GBF1: variants seen among roughly 807,000 people sequenced by gnomAD.
GBF1 encodes the protein Golgi-specific brefeldin A-resistance guanine nucleotide exchange factor 1.
Under a neutral mutation model 210.5 loss-of-function variants are expected in GBF1, and 114 were observed. The ratio of observed to expected loss-of-function variants is 0.54; its 90% confidence interval spans 0.47 to 0.63. GBF1 has a LOEUF of 0.63. GBF1 is among the 30% of genes least tolerant of loss of function. GBF1 has a pLI of 0.00. For synonymous variants in GBF1, 850 were observed against 889.2 expected, an observed-to-expected ratio of 0.96 and a Z score of 0.78; for missense variants, 1,851 against 2,357.7, an observed-to-expected ratio of 0.79 and a Z score of 4.45.
chr10:102,315,427 A>G (rs2078841878), intron 3 of GBF1, among the ~76,000 whole-genome samples: 2 of 152,222 alleles, frequency 1.3e-5, no homozygotes, highest in Non-Finnish European at 2.9e-5. Flanking sequence ...CCTTATGAGA[A>G]TGTAACTAAC....
At chr10:102,314,129 C>T (rs1589602155) in intron 3 of GBF1, among the ~76,000 whole-genome samples, 1 of 147,424 alleles carries the variant, frequency 6.8e-6, no homozygotes, top group East Asian at 2.0e-4. Context: ...AGAAGAAATC[C>T]TTTAAACATA....
intron 7 of GBF1, 141 bp from the exon 8 acceptor site, chr10:102,353,459 A>G: frequency 2.8e-6 from 2 of 710,042 alleles, no homozygotes; most frequent in Admixed American, 4.7e-5. Flanking sequence ...GAAAAGGATG[A>G]AATTAGTCTG....
the GBF1 span, chr10:102,232,011 G>C: frequency 6.2e-7 from 1 of 1,609,900 alleles, no homozygotes; most frequent in Non-Finnish European, 8.5e-7. Flanking sequence ...TGGGGGTGCG[G>C]AGTGCCAGCG....
intron 1 of GBF1, among the ~76,000 whole-genome samples, chr10:102,249,722 T>A (rs1565009065): frequency 6.6e-6 from 1 of 151,602 alleles, no homozygotes; most frequent in African/African-American, 2.4e-5. Flanking sequence ...GATGGAGTCT[T>A]GCTCTGTTGC....
intron 3 of GBF1, among the ~76,000 whole-genome samples, chr10:102,313,334 G>C (rs1473504738): frequency 6.6e-6 from 1 of 152,052 alleles, no homozygotes; most frequent in Non-Finnish European, 1.5e-5. Context: ...ACGAGGTGTG[G>C]GCCCTTACGT....
At chr10:102,271,410 T>C (rs1411248922) in intron 3 of GBF1, among the ~76,000 whole-genome samples, 1 of 152,112 alleles carries the variant, frequency 6.6e-6, no homozygotes, top group Non-Finnish European at 1.5e-5. Context: ...TCTCAAGCTC[T>C]TGGCCTCAAG....
chr10:102,252,496 T>C (rs1051709051), intron 1 of GBF1, among the ~76,000 whole-genome samples: 4 of 152,020 alleles, frequency 2.6e-5, no homozygotes, highest in African/African-American at 9.7e-5. Flanking sequence ...ACATTCAGAA[T>C]AGAAAGGGAG....
chr10:102,370,597 A>G (rs2060153156), intron 28 of GBF1, 110 bp from the exon 29 acceptor site: 1 of 1,314,884 alleles, frequency 7.6e-7, no homozygotes, highest in Non-Finnish European at 1.1e-6. Context: ...CTTACTCATC[A>G]TACCTGTCTA....
chr10:102,354,417 G>T (rs556217698), intron 8 of GBF1, among the ~76,000 whole-genome samples: 1 of 152,292 alleles, frequency 6.6e-6, no homozygotes, highest in South Asian at 2.1e-4. Flanking sequence ...GTGGGGAGCA[G>T]ACCAAAGCCC....
intron 3 of GBF1, among the ~76,000 whole-genome samples, chr10:102,290,053 A>T (rs1349455845): frequency 6.6e-6 from 1 of 152,096 alleles, no homozygotes; most frequent in African/African-American, 2.4e-5. Context: ...CAAGACTTCA[A>T]GTGAGCCATA....
At chr10:102,334,778 G>A (rs1475275508) in intron 3 of GBF1, among the ~76,000 whole-genome samples, 1 of 152,034 alleles carries the variant, frequency 6.6e-6, no homozygotes, top group Non-Finnish European at 1.5e-5. Flanking sequence ...GAACCGGAGA[G>A]GCGGAGGTTA....
intron 3 of GBF1, among the ~76,000 whole-genome samples, chr10:102,277,751 A>G (rs926709242): frequency 3.3e-5 from 5 of 152,212 alleles, no homozygotes; most frequent in Non-Finnish European, 7.3e-5. Flanking sequence ...TACTAATTTA[A>G]GTATAGTTAT....
chr10:102,301,710 G>T (rs527419559), intron 3 of GBF1, among the ~76,000 whole-genome samples: 2 of 151,906 alleles, frequency 1.3e-5, no homozygotes, highest in Admixed American at 6.6e-5. Flanking sequence ...GACGATGGGC[G>T]GCTGGGCAGA....
At chr10:102,372,242 C>G (rs1589815758) in intron 29 of GBF1, among the ~76,000 whole-genome samples, 1 of 150,452 alleles carries the variant, frequency 6.6e-6, no homozygotes, top group East Asian at 2.0e-4. Flanking sequence ...CTCGGCTGGA[C>G]ACAGTGGCTC....
In GBF1 at chr10:102,361,875, C is replaced by G; in HGVS notation, c.1649C>G (p.Ser550Cys). ...AACTATGATTGTGACTACTACTGTT[C>G]CAACCTCTTTGAGGAACTCACAAAG... ...YINYDCDYYC[S>C]NLFEELTKLL... Residue 550 changes from serine to cysteine, a missense_variant, in exon 14 of 40, where the codon TCC becomes TGC. This residue lies in a region of GBF1 where 804 missense variants were observed against 958.6 expected (regional missense o/e 0.84). Transcript: ENST00000369983. 1.2e-6 allele frequency: 2 copies of G among 1,611,514 alleles called. No homozygotes were observed. Among genetic ancestry groups the G allele is most frequent in the Non-Finnish European group, 1.7e-6 (2 of 1,178,730 alleles).
chr10:102,361,891 A>G lies in GBF1; in HGVS notation c.1665A>G (p.Glu555=), dbSNP rs761361526. ...CDYYCSNLFE[E]LTKLLSKNAF... is the part of the protein sequence containing the mutation. Reference sequence around the variant, plus strand: ...ACTACTGTTCCAACCTCTTTGAGGAACTCACAAAGCTGCTGTCCAAGGTGC... The same window carrying G: ...ACTACTGTTCCAACCTCTTTGAGGAGCTCACAAAGCTGCTGTCCAAGGTGC... The change falls in exon 14 of 40, where the codon GAA becomes GAG. Residue 555 remains glutamate (E), a synonymous_variant. Transcript: ENST00000369983. 29 of 1,606,096 alleles carry G rather than the reference A, an allele frequency of 1.8e-5. No homozygotes were observed. Among genetic ancestry groups the G allele is most frequent in the Admixed American group, 8.6e-5 (5 of 58,450 alleles).
intron 3 of GBF1, among the ~76,000 whole-genome samples, chr10:102,290,405 TTAAC>T (rs2133638342): frequency 6.6e-6 from 1 of 152,300 alleles, no homozygotes; most frequent in South Asian, 2.1e-4. Flanking sequence ...ATGCCATAGA[TTAAC>T]TATCCTTTTT....
chr10:102,375,737 AG>A (rs2060457754), intron 30 of GBF1, among the ~76,000 whole-genome samples, 153 bp downstream of exon 30: 1 of 152,076 alleles, frequency 6.6e-6, no homozygotes, highest in African/African-American at 2.4e-5. Context: ...CCCGCTGGCT[AG>A]TACCCATAAG....
intron 30 of GBF1, among the ~76,000 whole-genome samples, chr10:102,375,826 C>T (rs147874624): frequency 0.015 from 2,322 of 152,042 alleles, 34 homozygotes; most frequent in Admixed American, 0.028. Flanking sequence ...ACTGATTTGT[C>T]CTGAGGACTG....
Sources: gnomAD v4.1 joint callset for allele counts (sites outside exome capture counted in the v4.1 genomes callset) on GRCh38, gnomAD v4.1.1 for gene constraint, gnomAD v4.1.1 regional missense constraint, MANE v1.5 for transcripts, NCBI Gene and HGNC (gene_info 2026-07-23, HGNC 2026-07-21) for gene names.